The following MACROD2 variants were observed in gnomAD, a reference collection of about 807,000 sequenced individuals.
MACROD2 encodes ADP-ribose glycohydrolase MACROD2.
A neutral mutation model predicts 70.4 loss-of-function variants in MACROD2; 36 were observed. The ratio of observed to expected loss-of-function variants is 0.51; its 90% CI spans 0.39 to 0.68. MACROD2 has a LOEUF of 0.68. MACROD2 is among the 30% of genes least tolerant of loss of function. The probability of loss-of-function intolerance (pLI) is 0.00; values close to 1 mark genes in which losing one functional copy is unlikely to be tolerated. For missense variants in MACROD2, 496 were observed against 538.4 expected (o/e 0.92, Z 0.78); for synonymous variants, 172 against 178.8 (o/e 0.96, Z 0.30).
chr20:15,590,672 C>T (rs1035800177), intron 8 of MACROD2, among the ~76,000 whole-genome samples: 1 of 152,052 alleles, frequency 6.6e-6, no homozygotes, highest in South Asian at 2.1e-4. Flanking sequence ...CACTTGAGGC[C>T]ATGAGTTTGA....
At chr20:15,394,518 T>A (rs1483843928) in intron 6 of MACROD2, among the ~76,000 whole-genome samples, 8 of 152,214 alleles carry the variant, frequency 5.3e-5, no homozygotes, top group Non-Finnish European at 1.2e-4. Context: ...CACAGTCTGA[T>A]TAAAGCTTGA....
chr20:14,153,217 A>T (rs1163203543), intron 3 of MACROD2, among the ~76,000 whole-genome samples: 2 of 152,232 alleles, frequency 1.3e-5, no homozygotes, highest in African/African-American at 4.8e-5. Context: ...ATCTTTCATT[A>T]GTAGTAAGGT....
intron 6 of MACROD2, among the ~76,000 whole-genome samples, chr20:15,301,738 A>G (rs1227502859): frequency 1.3e-5 from 2 of 151,598 alleles, no homozygotes; most frequent in Admixed American, 6.6e-5. Flanking sequence ...GCCTAAAATT[A>G]TATCTCTTAA....
chr20:15,533,230 T>C (rs2047827721), intron 8 of MACROD2, among the ~76,000 whole-genome samples: 1 of 152,194 alleles, frequency 6.6e-6, no homozygotes, highest in South Asian at 2.1e-4. Flanking sequence ...TTCTAAAAGT[T>C]TAATGCCAGA....
chr20:14,993,473 A>T (rs541499317), intron 5 of MACROD2, among the ~76,000 whole-genome samples: 1 of 152,270 alleles, frequency 6.6e-6, no homozygotes, highest in South Asian at 2.1e-4. Flanking sequence ...GTGTGTCTTT[A>T]TATGATACTA....
intron 3 of MACROD2, among the ~76,000 whole-genome samples, chr20:14,273,122 C>A (rs1184449611): frequency 6.6e-6 from 1 of 152,132 alleles, no homozygotes; most frequent in Non-Finnish European, 1.5e-5. Context: ...AGGAATTGAA[C>A]TCAGCTCTGC....
At chr20:16,023,876 G>A (rs147217261) in intron 15 of MACROD2, among the ~76,000 whole-genome samples, 18 of 152,236 alleles carry the variant, frequency 1.2e-4, no homozygotes, top group African/African-American at 3.1e-4. Flanking sequence ...AATTCTATGC[G>A]CTCAGGACCC....
intron 3 of MACROD2, among the ~76,000 whole-genome samples, chr20:14,172,387 T>C (rs374052637): frequency 7.0e-6 from 1 of 143,022 alleles, no homozygotes; most frequent in African/African-American, 2.6e-5. Flanking sequence ...TCACTGCAAC[T>C]TCCACCTCCT....
intron 8 of MACROD2, among the ~76,000 whole-genome samples, chr20:15,602,055 G>T (rs974973759): frequency 6.6e-6 from 1 of 151,912 alleles, no homozygotes; most frequent in African/African-American, 2.4e-5. Context: ...GAACTGTTTC[G>T]ATTCTTCAGT....
intron 4 of MACROD2, among the ~76,000 whole-genome samples, chr20:14,678,252 G>T (rs549977698): frequency 6.6e-6 from 1 of 152,194 alleles, no homozygotes; most frequent in South Asian, 2.1e-4. Flanking sequence ...TGTAGAAATA[G>T]TTATATCACT....
At chr20:15,849,422 C>G (rs550530073) in intron 8 of MACROD2, among the ~76,000 whole-genome samples, 2 of 152,144 alleles carry the variant, frequency 1.3e-5, no homozygotes, top group African/African-American at 2.4e-5. Context: ...ATGGAAATGT[C>G]GAGAAAACGA....
At chr20:14,587,436 A>G (rs1329267360) in intron 4 of MACROD2, among the ~76,000 whole-genome samples, 1 of 151,826 alleles carries the variant, frequency 6.6e-6, no homozygotes, top group Non-Finnish European at 1.5e-5. Context: ...GTTGTTTTAT[A>G]TAGCAGCATA....
intron 6 of MACROD2, among the ~76,000 whole-genome samples, chr20:15,384,176 G>T (rs1376054979): frequency 6.6e-6 from 1 of 152,118 alleles, no homozygotes; most frequent in African/African-American, 2.4e-5. Flanking sequence ...AACCCATAGT[G>T]CATAGCCTTC....
At chr20:14,398,511 GCATCACTAAAACAAA>G (rs1285237252) in intron 3 of MACROD2, among the ~76,000 whole-genome samples, 2 of 151,842 alleles carry the variant, frequency 1.3e-5, no homozygotes, top group African/African-American at 4.8e-5. Flanking sequence ...GTGATGTGGA[GCATCACTAAAACAAA>G]TTTGATGTTT....
At position 14,862,727 on chromosome 20, in the gene MACROD2, TAGAG is replaced by T. The variant is rs752938684; in HGVS notation, c.418+177771_418+177774del. 2.8e-3 allele frequency among the ~76,000 whole-genome samples: 324 copies of T among 114,546 alleles called. 4 individuals carry two copies. The highest frequency in any genetic ancestry group is 5.0e-3 in the Middle Eastern group (1 of 202). 75.1% of individuals were successfully genotyped at this position (114,546 alleles called of 152,430 possible). On this transcript the variant is annotated intron_variant, in intron 5 of 17. Coordinates refer to ENST00000684519, the MANE Select transcript of MACROD2 (RefSeq NM_001351661.2). ...TATATATATATATATTTTTTTTTAATAGAGAGGATGAAGACCAAAGCAGTGAGTT... is the reference window on the plus strand; with the variant it reads ...TATATATATATATATTTTTTTTTAATAGGATGAAGACCAAAGCAGTGAGTT...
chr20:14,809,310 T>G (rs934005851), intron 5 of MACROD2, among the ~76,000 whole-genome samples: 1 of 152,098 alleles, frequency 6.6e-6, no homozygotes, highest in South Asian at 2.1e-4. Flanking sequence ...ACATGGAAAC[T>G]GAACAATCTG....
chr20:15,559,857 T>G (rs2048218996), intron 8 of MACROD2, among the ~76,000 whole-genome samples: 1 of 152,248 alleles, frequency 6.6e-6, no homozygotes, highest in Non-Finnish European at 1.5e-5. Context: ...GAAAGACTTC[T>G]GACCTTGTGT....
At chr20:15,368,143 C>T (rs1023219913) in intron 6 of MACROD2, among the ~76,000 whole-genome samples, 1 of 152,132 alleles carries the variant, frequency 6.6e-6, no homozygotes, top group African/African-American at 2.4e-5. Flanking sequence ...TTCATAAACT[C>T]ATTGGTTCTG....
chr20:15,444,180 G>A (rs903290923), intron 7 of MACROD2, among the ~76,000 whole-genome samples: 2 of 152,116 alleles, frequency 1.3e-5, no homozygotes, highest in Non-Finnish European at 1.5e-5. Context: ...GTGATCTTTT[G>A]TGACTACTTT....
Sources: allele counts gnomAD v4.1 joint callset (sites outside exome capture counted in the v4.1 genomes callset), GRCh38; gene constraint gnomAD v4.1.1; transcripts MANE v1.5; gene names NCBI Gene and HGNC (gene_info 2026-07-23, HGNC 2026-07-21).